Variants in LUZP1 observed in about 807,000 individuals in gnomAD.
The protein encoded by LUZP1 is leucine zipper protein 1.
A neutral mutation model predicts 71.3 loss-of-function variants in LUZP1; 25 were observed. That is an observed-to-expected ratio of 0.35 (90% CI 0.26 to 0.49). The LOEUF is 0.49. Among genes scored for constraint, LUZP1 ranks in the 20% least tolerant of loss-of-function variants. LUZP1 has a pLI of 0.99. For synonymous variants in LUZP1, 481 were observed against 506.4 expected (o/e 0.95, Z 0.67); for missense variants, 1,142 against 1,300.8 (o/e 0.88, Z 1.88).
chr1:23,124,199 G>A (rs1350095331), intron 2 of LUZP1, among the ~76,000 whole-genome samples: 2 of 152,142 alleles, frequency 1.3e-5, no homozygotes, highest in Admixed American at 6.5e-5. Context: ...TCCAAGATTC[G>A]TGAAATCAAA....
At chr1:23,111,731 C>T (rs1298046786) in intron 2 of LUZP1, among the ~76,000 whole-genome samples, 7 of 151,780 alleles carry the variant, frequency 4.6e-5, no homozygotes, top group African/African-American at 7.3e-5. Flanking sequence ...ACAGACTTTC[C>T]GTCCTACCCC....
In LUZP1 at chr1:23,094,149, T is replaced by C. The variant is rs1377398806; in HGVS notation, c.113A>G (p.Gln38Arg). 1.2e-6 allele frequency: 2 copies of C among 1,614,094 alleles called. No individual in the cohort carries two copies. Among genetic ancestry groups the C allele is most frequent in the African/African-American group, 2.7e-5 (2 of 74,934 alleles). Reference sequence around the variant, plus strand: ...ATCCAGGAGTTCATCCTCTGCTTTCTGGAGGTTTTTTGTGGCTTCCTCCAA... The same window carrying C: ...ATCCAGGAGTTCATCCTCTGCTTTCCGGAGGTTTTTTGTGGCTTCCTCCAA... The change falls in exon 4 of 5, where the codon CAG (glutamine) becomes CGG (arginine). Residue 38 changes from glutamine (Q) to arginine (R), a missense_variant. Physicochemically the swap from Gln to Arg is conservative, Grantham distance 43. Coordinates refer to ENST00000302291, the Ensembl canonical transcript of LUZP1. This position sits in a 1 kb window ranked among gnomAD's most constrained non-coding sequence, Gnocchi z 4.7.
chr1:23,088,420 T>C (rs1293388983), exon 5 of LUZP1: 1 of 153,844 alleles, frequency 6.5e-6, no homozygotes, highest in East Asian at 1.9e-4. Flanking sequence ...ATAGAGCTGA[T>C]GGCTGGTAAA....
intron 2 of LUZP1, among the ~76,000 whole-genome samples, chr1:23,114,833 T>C (rs1644064996): frequency 6.6e-6 from 1 of 152,212 alleles, no homozygotes; most frequent in African/African-American, 2.4e-5. Context: ...TTGTTGGACC[T>C]CAGATGTGTC....
chr1:23,142,830 G>A (rs1644315722), intron 2 of LUZP1, among the ~76,000 whole-genome samples: 1 of 151,746 alleles, frequency 6.6e-6, no homozygotes, highest in Non-Finnish European at 1.5e-5. Context: ...CTATGGATCA[G>A]GGAAGGTCTC....
chr1:23,142,724 C>T lies in LUZP1; in HGVS notation c.-226+26042G>A, dbSNP rs1412299366. 4.9e-3 allele frequency among the ~76,000 whole-genome samples: 347 copies of T among 70,716 alleles called. 1 individual carries two copies. The Middle Eastern group carries it at 0.051, about 10-fold the overall frequency. 46.4% of individuals were successfully genotyped at this position (70,716 alleles called of 152,430 possible). On this transcript the variant is annotated intron_variant, in intron 2 of 4. Transcript: ENST00000302291. ...ATACACACACACACACACACACACACACACACACACACACACACACACACA... is the reference window on the plus strand; with the variant it reads ...ATACACACACACACACACACACACATACACACACACACACACACACACACA...
chr1:23,116,328 G>A (rs1158734691), intron 2 of LUZP1, among the ~76,000 whole-genome samples: 1 of 152,152 alleles, frequency 6.6e-6, no homozygotes, highest in African/African-American at 2.4e-5. Context: ...TGCAGTGAGT[G>A]GAGCCACTAT....
At chr1:23,160,916 C>T (rs988648947) in intron 2 of LUZP1, among the ~76,000 whole-genome samples, 1 of 152,110 alleles carries the variant, frequency 6.6e-6, no homozygotes, top group African/African-American at 2.4e-5. Flanking sequence ...TCCATGAACA[C>T]AAGGTGGTAC....
At chr1:23,125,858 C>G (rs970113791) in intron 2 of LUZP1, among the ~76,000 whole-genome samples, 1 of 152,182 alleles carries the variant, frequency 6.6e-6, no homozygotes, top group Non-Finnish European at 1.5e-5. Context: ...TGCCTGCCTA[C>G]TAAGACTGGG....
intron 2 of LUZP1, among the ~76,000 whole-genome samples, chr1:23,158,278 A>G (rs1644435950): frequency 6.6e-6 from 1 of 152,184 alleles, no homozygotes; most frequent in Non-Finnish European, 1.5e-5. Flanking sequence ...TACTCGGTTC[A>G]CCTTGGTTTG....
exon 5 of LUZP1, chr1:23,086,380 G>A (rs1643767142): frequency 6.5e-6 from 1 of 152,790 alleles, no homozygotes. Flanking sequence ...ATTGCACTCA[G>A]ATTTCAAGAT....
chr1:23,141,191 C>T, intron 2 of LUZP1: 1 of 152,426 alleles, frequency 6.6e-6, no homozygotes. Context: ...ACGGCCTGGC[C>T]CCACATTCCT....
chr1:23,100,664 C>T (rs1320718286), intron 3 of LUZP1, among the ~76,000 whole-genome samples: 1 of 152,196 alleles, frequency 6.6e-6, no homozygotes, highest in East Asian at 1.9e-4. Context: ...GGTTTTCAAA[C>T]TAGACTCAGC....
chr1:23,116,449 T>C (rs552685153), intron 2 of LUZP1, among the ~76,000 whole-genome samples: 12 of 151,912 alleles, frequency 7.9e-5, no homozygotes, highest in Non-Finnish European at 1.2e-4. Flanking sequence ...TGAGCCCACG[T>C]GTTCAAGGTT....
At chr1:23,114,992 A>G (rs572714587) in intron 2 of LUZP1, among the ~76,000 whole-genome samples, 152 of 152,360 alleles carry the variant, frequency 1.0e-3, no homozygotes, top group African/African-American at 1.5e-3. Flanking sequence ...TAGAAACTAT[A>G]AACAGGTCCG....
At chr1:23,087,482 G>A (rs188557122) in exon 5 of LUZP1, 5 of 152,566 alleles carry the variant, frequency 3.3e-5, no homozygotes, top group Non-Finnish European at 1.5e-5. Context: ...AGAAGACAAT[G>A]ACTCACCCAA....
intron 2 of LUZP1, among the ~76,000 whole-genome samples, chr1:23,133,050 C>T (rs1436715745): frequency 6.6e-6 from 1 of 152,142 alleles, no homozygotes; most frequent in Admixed American, 6.5e-5. Flanking sequence ...TAGACTAGGT[C>T]CCTTCTTCTT....
intron 2 of LUZP1, among the ~76,000 whole-genome samples, chr1:23,167,418 T>C (rs1005947233): frequency 6.6e-6 from 1 of 152,064 alleles, no homozygotes; most frequent in African/African-American, 2.4e-5. Context: ...CAACGACAGA[T>C]AAGGCACCAA....
chr1:23,145,249 A>C (rs1644333098), intron 2 of LUZP1, among the ~76,000 whole-genome samples: 1 of 151,978 alleles, frequency 6.6e-6, no homozygotes, highest in Non-Finnish European at 1.5e-5. Context: ...TTCTTCATGG[A>C]TTTCTTTGTA....
Sources: gnomAD v4.1 joint callset for allele counts (sites outside exome capture counted in the v4.1 genomes callset) on GRCh38, gnomAD v4.1.1 for gene constraint, Gnocchi (gnomAD v3.1) non-coding constraint, MANE v1.5 for transcripts, NCBI Gene and HGNC (gene_info 2026-07-23, HGNC 2026-07-21) for gene names.